Variants in MIA2 observed in about 807,000 individuals in gnomAD.
The protein encoded by MIA2 is melanoma inhibitory activity protein 2.
MIA2 carries 127 observed loss-of-function variants against 167.8 expected under a neutral mutation model. The observed-to-expected ratio is 0.76, with a 90% CI of 0.66 to 0.88. The LOEUF (loss-of-function observed/expected upper bound fraction) is 0.88. Among genes scored for constraint, MIA2 ranks in the 40% least tolerant of loss-of-function variants. MIA2 has a pLI of 0.00. For synonymous variants in MIA2, 552 were observed against 541.9 expected (o/e 1.02, Z -0.26); for missense variants, 1,690 against 1,624.7 (o/e 1.04, Z -0.69).
chr14:39,276,835 G>T, intron 6 of MIA2, 99 bp from the exon 7 acceptor site: 2 of 1,305,082 alleles, frequency 1.5e-6, no homozygotes, highest in Non-Finnish European at 2.1e-6. Context: ...TAGTCTGGCA[G>T]CCCATTTTGT....
Position 39,325,431 on chromosome 14 carries a change from G to A in MIA2, c.3497-1433G>A, listed in dbSNP as rs1311340557. On this transcript the variant is annotated intron_variant, in intron 24 of 28. Transcript: ENST00000640607. ...CCCCCAGACTGGTGTGCAGTGGCAT[G>A]ATCTTGGCTCACTGCAACCTCCTCC... Among the ~76,000 whole-genome samples, 5 of 143,728 alleles carry A rather than the reference G, an allele frequency of 3.5e-5. No homozygotes were observed. In the South Asian group the frequency reaches 8.9e-4, roughly 26 times the overall value. The allele number at this position is 143,728 out of a possible 152,430, so 94.3% of individuals were successfully genotyped here.
chr14:39,302,305 C>T lies in MIA2; in HGVS notation c.2740+56C>T, dbSNP rs2062648850. The T allele has an allele frequency of 1.9e-6, 3 of 1,586,462 alleles. No homozygotes were observed. The South Asian group carries it at 3.4e-5, about 18-fold the overall frequency. On this transcript the variant is annotated intron_variant, in intron 15 of 28. Coordinates refer to ENST00000640607, the MANE Select transcript of MIA2 (RefSeq NM_001329214.4). Reference sequence around the variant, plus strand: ...AAAATGGTGACTAGCTCTTCTATTTCCTTTTCGTTCCCTGTGTGCACCATG... The same window carrying T: ...AAAATGGTGACTAGCTCTTCTATTTTCTTTTCGTTCCCTGTGTGCACCATG...
At chr14:39,301,035 TACATACACACACAC>T (rs1430781060) in intron 14 of MIA2, among the ~76,000 whole-genome samples, 5 of 68,600 alleles carry the variant, frequency 7.3e-5, no homozygotes, top group African/African-American at 2.7e-4. Context: ...TATATACATA[TACATACACACACAC>T]ACACACACAC....
chr14:39,332,095 G>A (rs1472697580), intron 25 of MIA2, among the ~76,000 whole-genome samples: 2 of 152,104 alleles, frequency 1.3e-5, no homozygotes, highest in Admixed American at 1.3e-4. Context: ...TATAGGTTTG[G>A]TCTTTTCACA....
At chr14:39,279,597 G>A in intron 9 of MIA2, 60 bp downstream of exon 9, 2 of 1,070,208 alleles carry the variant, frequency 1.9e-6, no homozygotes. Flanking sequence ...ACTTCTCACT[G>A]TAGGTACTTC....
chr14:39,268,962 T>C (rs990431991), intron 6 of MIA2: 2 of 954,388 alleles, frequency 2.1e-6, no homozygotes, highest in African/African-American at 3.5e-5. Context: ...TAATCAAGAT[T>C]TAGTTTTTAT....
At chr14:39,349,656 T>A (rs2074114203) in intron 28 of MIA2, among the ~76,000 whole-genome samples, 1 of 152,178 alleles carries the variant, frequency 6.6e-6, no homozygotes, top group Non-Finnish European at 1.5e-5. Context: ...GAATTTTGTT[T>A]GGGGAAATTT....
downstream of MIA2, among the ~76,000 whole-genome samples, chr14:39,356,016 T>G (rs2074515034): frequency 1.3e-5 from 2 of 152,198 alleles, no homozygotes; most frequent in South Asian, 4.1e-4. Flanking sequence ...AAAATTCTCT[T>G]TTTTTGTTGT....
chr14:39,370,458 G>T, intron 23 of MIA2: 1 of 249,156 alleles, frequency 4.0e-6, no homozygotes, highest in Non-Finnish European at 8.8e-6. Context: ...ATGGTGGGCC[G>T]GTTGGAATAG....
intron 21 of MIA2, among the ~76,000 whole-genome samples, chr14:39,316,289 T>C (rs114230631): frequency 0.02 from 3,089 of 152,282 alleles, 108 homozygotes; most frequent in African/African-American, 0.068. Context: ...CTGTAACATA[T>C]AGGACTGTTG....
Position 39,263,043 on chromosome 14 carries a change from G to A in MIA2, c.1887+9872G>A, listed in dbSNP as rs143931239. 3.2e-4 allele frequency among the ~76,000 whole-genome samples: 49 copies of A among 152,176 alleles called. 1 individual carries two copies. The East Asian group carries it at 7.9e-3, about 25-fold the overall frequency. On this transcript the variant is annotated intron_variant, in intron 6 of 28. Transcript: ENST00000640607. ...GCCTGATTGCCCTAGCCAGAACTTC[G>A]AACACTGTGTTGAATAGGAGTGGTG...
chr14:39,384,899 G>GA (rs1429446736), intron 23 of MIA2, among the ~76,000 whole-genome samples: 43 of 152,262 alleles, frequency 2.8e-4, no homozygotes, highest in African/African-American at 9.6e-4. Flanking sequence ...CATTGTCTGT[G>GA]ACAAATCCAA....
In MIA2 at chr14:39,247,016, A is replaced by G. The variant is rs771251525; in HGVS notation, c.442A>G (p.Lys148Glu). ...GENIYPYEED[K>E]DEKSSIYESD... is the part of the protein sequence containing the mutation. ...AAATATATATCCTTATGAAGAAGATAAAGATGAAAAATCTAGTATATATGA... is the reference window on the plus strand; with the variant it reads ...AAATATATATCCTTATGAAGAAGATGAAGATGAAAAATCTAGTATATATGA... Residue 148 changes from lysine (K) to glutamate (E), a missense_variant, in exon 4 of 29, where the codon AAA becomes GAA. Lys to Glu is a moderately conservative substitution (Grantham distance 56, BLOSUM62 1). Transcript: ENST00000640607. 5.0e-6 allele frequency: 8 copies of G among 1,590,834 alleles called. No individual in the cohort carries two copies. In the Admixed American group the frequency reaches 1.1e-4, roughly 22 times the overall value.
At chr14:39,353,942 A>G (rs2074458059), downstream of MIA2, among the ~76,000 whole-genome samples, 1 of 152,234 alleles carries the variant, frequency 6.6e-6, no homozygotes, top group Admixed American at 6.5e-5. Context: ...TATGTGCCAC[A>G]TTTTCTTAAT....
In MIA2 at chr14:39,291,100, G is replaced by A; in HGVS notation, c.2208+4G>A. On this transcript the variant is annotated splice_donor_region_variant and intron_variant, in intron 10 of 28. Transcript: ENST00000640607. ...AACAGAAGCACAAAGTTTGGAGGTA[G>A]AAAATCAAATGGTATAATTTTAAAA... The A allele has an allele frequency of 1.3e-6, 2 of 1,589,364 alleles. No homozygotes were observed. Among genetic ancestry groups the A allele is most frequent in the East Asian group, 2.3e-5 (1 of 43,980 alleles).
chr14:39,258,241 A>G (rs1314224743), intron 6 of MIA2, among the ~76,000 whole-genome samples: 6 of 151,998 alleles, frequency 3.9e-5, no homozygotes, highest in Non-Finnish European at 7.4e-5. Context: ...TAGATTTGGT[A>G]TTTTCAAATA....
intron 6 of MIA2, among the ~76,000 whole-genome samples, chr14:39,274,804 GT>G (rs1288912096): frequency 6.2e-4 from 90 of 144,542 alleles, no homozygotes; most frequent in African/African-American, 1.9e-3. Context: ...TTTTTTTAAA[GT>G]TTTTTTTTTT....
Position 39,247,365 on chromosome 14 carries a change from T to C in MIA2, c.791T>C (p.Leu264Pro). 6.2e-7 allele frequency: 1 copy of C among 1,614,110 alleles called. No individual in the cohort carries two copies. Among genetic ancestry groups the C allele is most frequent in the East Asian group, 2.2e-5 (1 of 44,874 alleles). Residue 264 changes from leucine (L) to proline (P), a missense_variant, in exon 4 of 29, where the codon CTA (leucine) becomes CCA (proline). Coordinates refer to ENST00000640607, the MANE Select transcript of MIA2 (RefSeq NM_001329214.4). ...RKIAVEDENDLEELNNGEPQT... is the reference protein window; with the variant it reads ...RKIAVEDENDPEELNNGEPQT... ...ATAGCAGTGGAAGATGAGAATGACCTAGAGGAATTAAATAATGGTGAGCCT... is the reference window on the plus strand; with the variant it reads ...ATAGCAGTGGAAGATGAGAATGACCCAGAGGAATTAAATAATGGTGAGCCT...
intron 19 of MIA2, among the ~76,000 whole-genome samples, chr14:39,313,734 G>C (rs930507044): frequency 4.6e-5 from 7 of 152,084 alleles, no homozygotes; most frequent in Non-Finnish European, 8.8e-5. Flanking sequence ...GTGTCAATAT[G>C]AATAGATATT....
Sources: allele counts gnomAD v4.1 joint callset (sites outside exome capture counted in the v4.1 genomes callset), GRCh38; gene constraint gnomAD v4.1.1; transcripts MANE v1.5; gene names NCBI Gene and HGNC (gene_info 2026-07-23, HGNC 2026-07-21).